Variants in APTX observed in about 807,000 individuals in gnomAD.
The protein encoded by APTX is forkhead-associated domain histidine triad-like protein.
Under a neutral mutation model 42.3 loss-of-function variants are expected in APTX, and 33 were observed. The ratio of observed to expected loss-of-function variants is 0.78; its 90% CI spans 0.59 to 1.04. The LOEUF (loss-of-function observed/expected upper bound fraction) is 1.04, where lower values mean the gene tolerates loss of function less well. APTX is among the 50% of genes least tolerant of loss of function. APTX has a pLI of 0.00. For missense variants in APTX, 421 were observed against 415.1 expected, an observed-to-expected ratio of 1.01 and a Z score of -0.12; for synonymous variants, 130 against 146.7, an observed-to-expected ratio of 0.89 and a Z score of 0.82.
chr9:32,986,697 T>C (rs1392163809), intron 4 of APTX, among the ~76,000 whole-genome samples: 1 of 150,872 alleles, frequency 6.6e-6, no homozygotes, highest in Non-Finnish European at 1.5e-5. Flanking sequence ...GATTAGGTTT[T>C]GCCATGTTGG....
upstream of APTX, among the ~76,000 whole-genome samples, chr9:33,003,823 T>G (rs551035843): frequency 2.6e-5 from 4 of 151,018 alleles, no homozygotes; most frequent in Admixed American, 2.0e-4. Flanking sequence ...ATCCACATTG[T>G]ATCATGTGTA....
chr9:33,012,251 T>C (rs1837590777), intron 1 of APTX, among the ~76,000 whole-genome samples: 1 of 152,060 alleles, frequency 6.6e-6, no homozygotes, highest in Non-Finnish European at 1.5e-5. Flanking sequence ...TATGACTTCT[T>C]GGATATTTTA....
In APTX at chr9:33,016,732, C is replaced by T. The variant is rs1837930115; in HGVS notation, c.-5+8291G>A. Among the ~76,000 whole-genome samples the T allele has an allele frequency of 2.0e-5, 3 of 151,176 alleles. No individual in the cohort carries two copies. In the South Asian group the frequency reaches 6.2e-4, roughly 31 times the overall value. On this transcript the variant is annotated intron_variant, in intron 1 of 6. Transcript: ENST00000436040. The stretch of plus-strand genomic sequence containing the variant: ...AACAAAACTATCTGAAAAGTACTCA[C>T]TGCTAAGAGGAAAGTCTACTCTGAG...
At chr9:33,013,232 C>T (rs1302352316) in intron 1 of APTX, among the ~76,000 whole-genome samples, 1 of 152,172 alleles carries the variant, frequency 6.6e-6, no homozygotes, top group Non-Finnish European at 1.5e-5. Context: ...TTACTCTTCA[C>T]AATAACTCTA....
intron 4 of APTX, 144 bp downstream of exon 4, chr9:32,987,400 G>T: frequency 8.4e-7 from 1 of 1,190,756 alleles, no homozygotes; most frequent in South Asian, 1.3e-5. Context: ...TCATCCAAAT[G>T]ATTTTCACGC....
At chr9:32,978,893 G>C (rs1830063149) in intron 6 of APTX, among the ~76,000 whole-genome samples, 1 of 152,126 alleles carries the variant, frequency 6.6e-6, no homozygotes, top group Non-Finnish European at 1.5e-5. Flanking sequence ...CTCTATTGTT[G>C]ATATTCACTT....
chr9:33,001,680 C>T (rs533359317), upstream of APTX: 47 of 1,576,280 alleles, frequency 3.0e-5, no homozygotes, highest in South Asian at 4.7e-4. Context: ...GTCACCAGCA[C>T]CTCTCTAACG....
Position 32,972,858 on chromosome 9 carries a change from C to T in APTX, c.*640G>A, listed in dbSNP as rs1828375576. 2 of 453,946 alleles carry T rather than the reference C, an allele frequency of 4.4e-6. No homozygotes were observed. Among genetic ancestry groups the T allele is most frequent in the Non-Finnish European group, 8.8e-6 (2 of 226,788 alleles). 28.1% of individuals were successfully genotyped at this position (453,946 alleles called of 1,614,324 possible). A position where few individuals can be genotyped will look rare whatever the true frequency, so the allele number is the denominator to read the frequency against. On this transcript the variant is annotated 3_prime_UTR_variant, in exon 8 of 8. Transcript: ENST00000379817. ...TGGCTGTTTCCTCACAGCCAGGAAC[C>T]CTCGGTATTAGAAGAAAACTCCAAC...
intron 1 of APTX, among the ~76,000 whole-genome samples, chr9:33,023,557 T>C (rs578066461): frequency 6.6e-6 from 1 of 152,344 alleles, no homozygotes; most frequent in African/African-American, 2.4e-5. Flanking sequence ...AAAGCCCTAG[T>C]ACACTGCCTG....
intron 6 of APTX, among the ~76,000 whole-genome samples, chr9:32,979,229 C>T (rs769157543): frequency 5.9e-5 from 9 of 152,110 alleles, no homozygotes; most frequent in Non-Finnish European, 1.0e-4. Context: ...GTCTGTCATT[C>T]CCTGCTTTGT....
intron 1 of APTX, among the ~76,000 whole-genome samples, chr9:32,992,745 T>C (rs1248100432): frequency 6.6e-6 from 1 of 152,224 alleles, no homozygotes; most frequent in Non-Finnish European, 1.5e-5. Flanking sequence ...CAGTCTAGCA[T>C]GGAGAAATCC....
At chr9:33,023,663 G>C (rs1272319994) in intron 1 of APTX, among the ~76,000 whole-genome samples, 1 of 152,230 alleles carries the variant, frequency 6.6e-6, no homozygotes, top group East Asian at 1.9e-4. Context: ...AAAAAAATCA[G>C]GTGTCTGTCA....
In APTX at chr9:32,973,283, C is replaced by T. The variant is rs568783017; in HGVS notation, c.*215G>A. On this transcript the variant is annotated 3_prime_UTR_variant, in exon 8 of 8. Transcript: ENST00000379817. ...GTGGGTCAGGTATATCCCAGCCACC[C>T]TCACCAGAGAATACATCTATGACAA... is the stretch of plus-strand genomic sequence containing the variant. The T allele has an allele frequency of 1.5e-6, 1 of 660,948 alleles. No individual in the cohort carries two copies. Among genetic ancestry groups the T allele is most frequent in the East Asian group, 3.1e-5 (1 of 32,764 alleles). 40.9% of individuals were successfully genotyped at this position (660,948 alleles called of 1,614,324 possible).
chr9:32,996,338 C>G (rs965337233), intron 1 of APTX, among the ~76,000 whole-genome samples: 1 of 149,896 alleles, frequency 6.7e-6, no homozygotes, highest in Non-Finnish European at 1.5e-5. Context: ...TGCAGGGCGT[C>G]ATCACAGCTC....
chr9:33,011,993 T>C (rs1837574006), intron 1 of APTX, among the ~76,000 whole-genome samples: 1 of 152,242 alleles, frequency 6.6e-6, no homozygotes, highest in Non-Finnish European at 1.5e-5. Context: ...CAAATTTGAA[T>C]GTCTACACAT....
chr9:32,999,110 T>C, intron 1 of APTX, among the ~76,000 whole-genome samples: 1 of 152,266 alleles, frequency 6.6e-6, no homozygotes. Context: ...GAATAAATCA[T>C]CTGAGAGCAC....
intron 1 of APTX, among the ~76,000 whole-genome samples, chr9:32,998,941 C>G (rs1338043898): frequency 6.8e-6 from 1 of 146,524 alleles, no homozygotes; most frequent in African/African-American, 2.5e-5. Flanking sequence ...AAGTCACAAA[C>G]AACAGAAACA....
At chr9:33,005,696 A>C (rs890835604), upstream of APTX, among the ~76,000 whole-genome samples, 3 of 152,106 alleles carry the variant, frequency 2.0e-5, no homozygotes, top group Non-Finnish European at 4.4e-5. Flanking sequence ...CAGCCTCCCA[A>C]AGTGCTGACA....
At chr9:33,023,596 T>C (rs992971700) in intron 1 of APTX, among the ~76,000 whole-genome samples, 1 of 152,154 alleles carries the variant, frequency 6.6e-6, no homozygotes, top group Non-Finnish European at 1.5e-5. Flanking sequence ...TAACGGTTGG[T>C]TTAAACAAAA....
Sources: allele counts gnomAD v4.1 joint callset (sites outside exome capture counted in the v4.1 genomes callset), GRCh38; gene constraint gnomAD v4.1.1; transcripts MANE v1.5; gene names NCBI Gene and HGNC (gene_info 2026-07-23, HGNC 2026-07-21).